The following PCDHGA1 variants were observed in gnomAD, a reference collection of about 807,000 sequenced individuals.
PCDHGA1 encodes the protein protocadherin gamma-A1.
Under a neutral mutation model 58.0 loss-of-function variants are expected in PCDHGA1, and 32 were observed. The ratio of observed to expected loss-of-function variants is 0.55; its 90% CI spans 0.42 to 0.74. The LOEUF is 0.74. Among genes scored for constraint, PCDHGA1 ranks in the 30% least tolerant of loss-of-function variants. The pLI is 0.00. For synonymous variants in PCDHGA1, 498 were observed against 501.1 expected (o/e 0.99, Z 0.08); for missense variants, 1,205 against 1,182.3 (o/e 1.02, Z -0.28).
Position 141,375,778 on chromosome 5 carries a change from C to G in PCDHGA1, c.2421+42673C>G. Reference sequence around the variant, plus strand: ...ACAATGCGCCCGAGATCCTGTACCCCGCCCTCCCCACAGACGGTTCCACTG... The same window carrying G: ...ACAATGCGCCCGAGATCCTGTACCCGGCCCTCCCCACAGACGGTTCCACTG... On this transcript the variant is annotated intron_variant, in intron 1 of 3. Coordinates refer to ENST00000517417, the MANE Select transcript of PCDHGA1 (RefSeq NM_018912.3). The G allele has an allele frequency of 1.9e-6, 3 of 1,614,242 alleles. No homozygotes were observed. The African/African-American group carries it at 4.0e-5, about 22-fold the overall frequency.
intron 1 of PCDHGA1, chr5:141,400,182 G>C (rs754765633): frequency 3.7e-6 from 6 of 1,614,072 alleles, no homozygotes; most frequent in Non-Finnish European, 5.1e-6. Flanking sequence ...CTGAGCTGCA[G>C]TTTTACCTAG....
At chr5:141,509,094 T>C (rs1038935185) in intron 3 of PCDHGA1, among the ~76,000 whole-genome samples, 4 of 152,152 alleles carry the variant, frequency 2.6e-5, no homozygotes, top group African/African-American at 9.7e-5. Context: ...AAATGGGGGC[T>C]GTAGAAACCT....
Position 141,344,466 on chromosome 5 carries a change from C to A in PCDHGA1, c.2421+11361C>A, listed in dbSNP as rs1323517973. 3 of 1,613,792 alleles carry A rather than the reference C, an allele frequency of 1.9e-6. No homozygotes were observed. Among genetic ancestry groups the A allele is most frequent in the Non-Finnish European group, 2.5e-6 (3 of 1,179,850 alleles). ...GGAATTGGAAATAAAAATTGGTGAACTAACGGTTCCTGGAACCCGATTTCC... is the reference window on the plus strand; with the variant it reads ...GGAATTGGAAATAAAAATTGGTGAAATAACGGTTCCTGGAACCCGATTTCC... On this transcript the variant is annotated intron_variant, in intron 1 of 3. Transcript: ENST00000517417.
chr5:141,351,915 A>T, intron 1 of PCDHGA1: 1 of 1,613,378 alleles, frequency 6.2e-7, no homozygotes, highest in Non-Finnish European at 8.5e-7. Flanking sequence ...GGCGACCTCA[A>T]TGACAATGCG....
intron 1 of PCDHGA1, among the ~76,000 whole-genome samples, chr5:141,472,122 G>A (rs898092092): frequency 6.6e-6 from 1 of 152,176 alleles, no homozygotes; most frequent in African/African-American, 2.4e-5. Flanking sequence ...GAAAATAAAA[G>A]AGAAGTTAAA....
chr5:141,504,755 T>A (rs953075905), intron 2 of PCDHGA1, among the ~76,000 whole-genome samples: 13 of 151,824 alleles, frequency 8.6e-5, no homozygotes, highest in Non-Finnish European at 1.5e-5. Flanking sequence ...ATTTTAGAAA[T>A]TTCTTCTCCC....
intron 1 of PCDHGA1, chr5:141,371,027 C>A: frequency 6.2e-7 from 1 of 1,613,992 alleles, no homozygotes; most frequent in South Asian, 1.1e-5. Context: ...ACCACCTGGT[C>A]CTCACAGCTG....
At chr5:141,460,849 G>A (rs908955373) in intron 1 of PCDHGA1, among the ~76,000 whole-genome samples, 1 of 150,224 alleles carries the variant, frequency 6.7e-6, no homozygotes, top group Non-Finnish European at 1.5e-5. Flanking sequence ...CCTCCAGTTC[G>A]ATCCAAGTTG....
At chr5:141,458,787 C>A (rs968490647) in intron 1 of PCDHGA1, among the ~76,000 whole-genome samples, 1 of 152,004 alleles carries the variant, frequency 6.6e-6, no homozygotes, top group African/African-American at 2.4e-5. Flanking sequence ...GGCTGGAGTG[C>A]AGTGGTGTGA....
chr5:141,485,260 G>C lies in PCDHGA1; in HGVS notation c.2422-9547G>C. ...TTTACCACCTGGGTTACGTTTGTGG[G>C]CAGATCCGCTACCCGGTCCCAGAGG... is the stretch of plus-strand genomic sequence containing the variant. On this transcript the variant is annotated intron_variant, in intron 1 of 3. Transcript: ENST00000517417. The surrounding 1 kb of genome is among the most constrained non-coding windows in gnomAD (Gnocchi z 5.7). 1 of 1,614,122 alleles carries C rather than the reference G, an allele frequency of 6.2e-7. No homozygotes were observed. The highest frequency in any genetic ancestry group is 8.5e-7 in the Non-Finnish European group (1 of 1,179,966).
intron 1 of PCDHGA1, among the ~76,000 whole-genome samples, chr5:141,425,058 G>A (rs938128250): frequency 1.3e-5 from 2 of 151,986 alleles, no homozygotes; most frequent in African/African-American, 2.4e-5. Context: ...TCTAGGGCTC[G>A]GACAAAAATA....
intron 1 of PCDHGA1, chr5:141,341,191 T>G (rs1189040857): frequency 6.2e-7 from 1 of 1,614,108 alleles, no homozygotes; most frequent in Non-Finnish European, 8.5e-7. Flanking sequence ...GCTCGCACTT[T>G]GTGGGCGTGG....
intron 1 of PCDHGA1, chr5:141,422,178 G>A (rs1561799748): frequency 1.9e-6 from 3 of 1,563,306 alleles, no homozygotes; most frequent in Non-Finnish European, 1.7e-6. Flanking sequence ...GATTCTATGA[G>A]ATGGAAATTC....
intron 1 of PCDHGA1, chr5:141,390,221 C>T (rs764241687): frequency 5.8e-5 from 94 of 1,614,004 alleles, no homozygotes; most frequent in African/African-American, 2.0e-4. Context: ...ACATACTTTG[C>T]GGTGATTCAT....
Position 141,476,464 on chromosome 5 carries a change from G to A in PCDHGA1, c.2422-18343G>A, listed in dbSNP as rs745664477. On this transcript the variant is annotated intron_variant, in intron 1 of 3. Transcript: ENST00000517417. This position sits in a 1 kb window ranked among gnomAD's most constrained non-coding sequence, Gnocchi z 7.6. ...TGGAGTTGGTAGTGGAGAACCCGCT[G>A]GAGCTGTTCAGCGTGGAAGTGGTGA... 3 of 1,614,140 alleles carry A rather than the reference G, an allele frequency of 1.9e-6. No homozygotes were observed. Among genetic ancestry groups the A allele is most frequent in the Non-Finnish European group, 2.5e-6 (3 of 1,180,014 alleles).
Position 141,340,083 on chromosome 5 carries a change from T to C in PCDHGA1, c.2421+6978T>C, listed in dbSNP as rs766435243. The C allele has an allele frequency of 3.1e-6, 5 of 1,614,076 alleles. No homozygotes were observed. The South Asian group carries it at 4.4e-5, about 14-fold the overall frequency. On this transcript the variant is annotated intron_variant, in intron 1 of 3. Coordinates refer to ENST00000517417, the MANE Select transcript of PCDHGA1 (RefSeq NM_018912.3). The stretch of plus-strand genomic sequence containing the variant: ...GGAACCATAATTGGGCTTTTTAATG[T>C]ACATGATAGAGACTCTGGGCAGAAC...
chr5:141,506,832 C>T (rs1398190563), intron 3 of PCDHGA1, among the ~76,000 whole-genome samples: 1 of 152,130 alleles, frequency 6.6e-6, no homozygotes, highest in African/African-American at 2.4e-5. Flanking sequence ...GAACTGATAG[C>T]CCTGCCCTCC....
chr5:141,438,063 A>T (rs540817874), intron 1 of PCDHGA1, among the ~76,000 whole-genome samples: 1 of 152,106 alleles, frequency 6.6e-6, no homozygotes, highest in Non-Finnish European at 1.5e-5. Context: ...CTTTTAAGAA[A>T]CCATACTTAA....
intron 1 of PCDHGA1, chr5:141,350,858 G>A: frequency 9.9e-6 from 16 of 1,614,058 alleles, no homozygotes; most frequent in Non-Finnish European, 1.3e-5. Context: ...TCTAGACAGG[G>A]AACATCAGAG....
Sources: gnomAD v4.1 joint callset for allele counts (sites outside exome capture counted in the v4.1 genomes callset) on GRCh38, gnomAD v4.1.1 for gene constraint, Gnocchi (gnomAD v3.1) non-coding constraint, MANE v1.5 for transcripts, NCBI Gene and HGNC (gene_info 2026-07-23, HGNC 2026-07-21) for gene names.